The following SNX29 variants were observed in gnomAD, a reference collection of about 807,000 sequenced individuals.
SNX29 encodes the protein sorting nexin 29.
A neutral mutation model predicts 102.1 loss-of-function variants in SNX29; 78 were observed. The ratio of observed to expected loss-of-function variants is 0.76; its 90% CI spans 0.64 to 0.92. The LOEUF (loss-of-function observed/expected upper bound fraction) is 0.92, where lower values mean the gene tolerates loss of function less well. Ranked by LOEUF, SNX29 falls within the 40% of genes least tolerant of loss-of-function variation. SNX29 has a pLI of 0.00. For synonymous variants in SNX29, 580 were observed against 414.5 expected, an observed-to-expected ratio of 1.40 and a Z score of -4.85; for missense variants, 1,280 against 1,061.7, an observed-to-expected ratio of 1.21 and a Z score of -2.86.
At chr16:12,018,154 T>C (rs922312756) in intron 3 of SNX29, among the ~76,000 whole-genome samples, 5 of 152,142 alleles carry the variant, frequency 3.3e-5, no homozygotes, top group African/African-American at 1.2e-4. Context: ...TTGGGAAAAA[T>C]TGATGTTTTG....
chr16:12,418,507 T>G (rs575886517), intron 18 of SNX29, among the ~76,000 whole-genome samples: 6 of 143,520 alleles, frequency 4.2e-5, no homozygotes, highest in African/African-American at 1.5e-4. Flanking sequence ...CTTCTGTGTT[T>G]CTGGGTTTTC....
At chr16:12,037,923 C>G (rs1420512084) in intron 4 of SNX29, among the ~76,000 whole-genome samples, 1 of 152,026 alleles carries the variant, frequency 6.6e-6, no homozygotes, top group Non-Finnish European at 1.5e-5. Context: ...CCACTGTGCT[C>G]TAGCCTGGGC....
At chr16:12,283,252 A>G (rs2079490493) in intron 15 of SNX29, among the ~76,000 whole-genome samples, 2 of 151,534 alleles carry the variant, frequency 1.3e-5, no homozygotes, top group South Asian at 4.2e-4. Flanking sequence ...GAGCCAAGGA[A>G]GTTGTGAGGT....
intron 13 of SNX29, chr16:12,135,610 A>G: frequency 1.5e-6 from 2 of 1,344,848 alleles, no homozygotes; most frequent in Non-Finnish European, 2.0e-6. Flanking sequence ...TGGTGGAGAA[A>G]TGGAGGGAGA....
intron 1 of SNX29, among the ~76,000 whole-genome samples, chr16:11,991,921 C>A (rs1302126019): frequency 6.6e-6 from 1 of 151,944 alleles, no homozygotes; most frequent in Non-Finnish European, 1.5e-5. Flanking sequence ...CTTGTCTAGC[C>A]CTTGGGAGAA....
chr16:12,383,082 A>T (rs2090636000), intron 16 of SNX29, among the ~76,000 whole-genome samples: 1 of 152,194 alleles, frequency 6.6e-6, no homozygotes, highest in Non-Finnish European at 1.5e-5. Context: ...TTTTTAGAAG[A>T]TACAAGTAAT....
chr16:12,511,744 A>G (rs759978394), intron 19 of SNX29, among the ~76,000 whole-genome samples: 4 of 152,130 alleles, frequency 2.6e-5, no homozygotes, highest in Non-Finnish European at 5.9e-5. Context: ...TGAGCTGCCC[A>G]GGGATTGGGG....
intron 13 of SNX29, among the ~76,000 whole-genome samples, chr16:12,157,418 G>A (rs1229681057): frequency 6.6e-6 from 1 of 152,166 alleles, no homozygotes; most frequent in African/African-American, 2.4e-5. Context: ...GGGACGTGGG[G>A]TCATGATGTC....
chr16:12,275,962 G>A (rs1044530374), intron 14 of SNX29, among the ~76,000 whole-genome samples: 4 of 143,580 alleles, frequency 2.8e-5, no homozygotes, highest in South Asian at 2.2e-4. Context: ...GCACCATCTC[G>A]GCTCGCTGCA....
At chr16:12,054,195 T>C (rs988395233) in intron 8 of SNX29, among the ~76,000 whole-genome samples, 3 of 152,212 alleles carry the variant, frequency 2.0e-5, no homozygotes, top group Non-Finnish European at 4.4e-5. Context: ...CTCAAACTCC[T>C]GATCTCGTGA....
chr16:12,249,775 G>T (rs2078368071), intron 14 of SNX29, among the ~76,000 whole-genome samples: 1 of 152,148 alleles, frequency 6.6e-6, no homozygotes, highest in Non-Finnish European at 1.5e-5. Context: ...TGGTGCATAG[G>T]GAACACTGTA....
chr16:12,091,012 C>A (rs2052500380), intron 11 of SNX29, among the ~76,000 whole-genome samples: 1 of 36,538 alleles, frequency 2.7e-5, no homozygotes, highest in African/African-American at 2.6e-4. Context: ...GAGACTTCAT[C>A]TCAAAAAAAA....
At chr16:12,555,552 T>A (rs1180760411) in intron 20 of SNX29, among the ~76,000 whole-genome samples, 4 of 150,466 alleles carry the variant, frequency 2.7e-5, no homozygotes, top group Admixed American at 2.0e-4. Context: ...ATACCGTGGG[T>A]TTGAGCACCC....
At chr16:12,431,175 T>C (rs1230892459) in intron 18 of SNX29, among the ~76,000 whole-genome samples, 1 of 151,980 alleles carries the variant, frequency 6.6e-6, no homozygotes. Context: ...AATGTGGAGT[T>C]GGGAGTGAGT....
intron 20 of SNX29, among the ~76,000 whole-genome samples, chr16:12,553,560 G>T (rs1004735386): frequency 1.3e-5 from 2 of 151,998 alleles, no homozygotes; most frequent in Admixed American, 1.3e-4. Flanking sequence ...GAGCTAAGCA[G>T]GAGCTGTGGG....
chr16:12,006,077 G>A (rs947197286), intron 3 of SNX29, among the ~76,000 whole-genome samples: 5 of 152,086 alleles, frequency 3.3e-5, no homozygotes, highest in South Asian at 2.1e-4. Flanking sequence ...TGTGGCTCAT[G>A]TCTGTAATCT....
rs117259801 is a variant in SNX29 at position 12,206,899 on chromosome 16, G to T, written c.1678+7216G>T. Among the ~76,000 whole-genome samples, 636 of 150,212 alleles carry T rather than the reference G, an allele frequency of 4.2e-3. 3 individuals carry two copies. The highest frequency in any genetic ancestry group is 5.4e-3 in the Non-Finnish European group (363 of 67,724). ...AGCGTTTGGAACCACTGCCTTGGAG[G>T]ATATCACTTTCCAATTAATGAAGTT... is the stretch of plus-strand genomic sequence containing the variant. On this transcript the variant is annotated intron_variant, in intron 14 of 20. Transcript: ENST00000566228.
chr16:12,146,624 C>G (rs2055077193), intron 13 of SNX29, among the ~76,000 whole-genome samples: 1 of 152,156 alleles, frequency 6.6e-6, no homozygotes. Context: ...GTGGGAGGGC[C>G]TGCTCATCAG....
chr16:12,282,698 C>A (rs1372682284), intron 15 of SNX29, among the ~76,000 whole-genome samples: 1 of 152,064 alleles, frequency 6.6e-6, no homozygotes, highest in African/African-American at 2.4e-5. Flanking sequence ...TCTTTTTGCC[C>A]GGGCTGGAGT....
Sources: gnomAD v4.1 joint callset for allele counts (sites outside exome capture counted in the v4.1 genomes callset) on GRCh38, gnomAD v4.1.1 for gene constraint, MANE v1.5 for transcripts, NCBI Gene and HGNC (gene_info 2026-07-23, HGNC 2026-07-21) for gene names.